Variants in HERC1 observed in about 807,000 individuals in gnomAD.
HERC1 encodes probable E3 ubiquitin-protein ligase HERC1.
Under a neutral mutation model 554.3 loss-of-function variants are expected in HERC1, and 160 were observed. The ratio of observed to expected loss-of-function variants is 0.29; its 90% confidence interval spans 0.25 to 0.33. HERC1 has a LOEUF of 0.33. Among genes scored for constraint, HERC1 ranks in the 10% least tolerant of loss-of-function variants. HERC1 has a pLI of 1.00. For synonymous variants in HERC1, 2,175 were observed against 2,131.7 expected (o/e 1.02, Z -0.56); for missense variants, 4,919 against 5,918.5 (o/e 0.83, Z 5.54).
intron 3 of HERC1, among the ~76,000 whole-genome samples, chr15:63,761,199 A>G (rs892549280): frequency 2.0e-5 from 3 of 152,210 alleles, no homozygotes; most frequent in Non-Finnish European, 4.4e-5. Context: ...CCCTCAAACT[A>G]TCAAAAAGAA....
chr15:63,643,560 A>G lies in HERC1; in HGVS notation c.11185-10T>C. ...ATTTCCTATATCCATCCTGAAATTC[A>G]TTATTTTTAACATGCATTAAAATAA... is the stretch of plus-strand genomic sequence containing the variant. On this transcript the variant is annotated splice_polypyrimidine_tract_variant and intron_variant, in intron 57 of 77. Coordinates refer to ENST00000443617, the MANE Select transcript of HERC1 (RefSeq NM_003922.4). 6.5e-7 allele frequency: 1 copy of G among 1,549,016 alleles called. No homozygotes were observed.
intron 12 of HERC1, among the ~76,000 whole-genome samples, chr15:63,740,596 C>T (rs999724639): frequency 2.0e-4 from 30 of 152,130 alleles, no homozygotes; most frequent in African/African-American, 7.2e-4. Flanking sequence ...TATTAGCCAG[C>T]CTTTTTGATT....
At chr15:63,733,746 G>A (rs1350260462) in intron 13 of HERC1, among the ~76,000 whole-genome samples, 1 of 152,180 alleles carries the variant, frequency 6.6e-6, no homozygotes, top group Non-Finnish European at 1.5e-5. Flanking sequence ...CAGCTACTCA[G>A]AAGGCTGAGG....
chr15:63,712,351 G>A (rs2073341982), intron 24 of HERC1, among the ~76,000 whole-genome samples: 1 of 152,240 alleles, frequency 6.6e-6, no homozygotes, highest in Non-Finnish European at 1.5e-5. Context: ...ACTGGATTGG[G>A]AAGGGGTGGA....
intron 67 of HERC1, 149 bp from the exon 68 acceptor site, chr15:63,632,960 T>C (rs2152809530): frequency 1.6e-6 from 1 of 626,932 alleles, no homozygotes; most frequent in East Asian, 2.7e-5. Context: ...TGAAATGTTA[T>C]TTTCTCCTAC....
At position 63,680,207 on chromosome 15, in the gene HERC1, T is replaced by G. The variant is rs1449493121; in HGVS notation, c.6466-47A>C. On this transcript the variant is annotated intron_variant, in intron 35 of 77. Coordinates refer to ENST00000443617, the MANE Select transcript of HERC1 (RefSeq NM_003922.4). The surrounding 1 kb of genome is among the most constrained non-coding windows in gnomAD (Gnocchi z 5.8). ...GAAAAGAAAAAGGAAATAGAAATTTTTTTAATTCACAATATCTAACCACAT... is the reference window on the plus strand; with the variant it reads ...GAAAAGAAAAAGGAAATAGAAATTTGTTTAATTCACAATATCTAACCACAT... 2.8e-6 allele frequency: 4 copies of G among 1,449,428 alleles called. No individual in the cohort carries two copies. The South Asian group carries it at 3.5e-5, about 13-fold the overall frequency. 89.8% of individuals were successfully genotyped at this position (1,449,428 alleles called of 1,614,324 possible). A position where few individuals can be genotyped will look rare whatever the true frequency, so the allele number is the denominator to read the frequency against.
chr15:63,634,040 C>A, intron 66 of HERC1, 70 bp from the exon 67 acceptor site: 1 of 1,574,054 alleles, frequency 6.4e-7, no homozygotes, highest in South Asian at 1.1e-5. Context: ...TTCTGGGACC[C>A]TTTTTCTCTA....
rs2077931382 is a variant in HERC1 at position 63,826,802 on chromosome 15, AAAAAAAAAAAAAATATATATATAT to A, written c.-27+7001_-27+7024del. 7.0e-5 allele frequency among the ~76,000 whole-genome samples: 4 copies of A among 57,116 alleles called. No homozygotes were observed. In the South Asian group the frequency reaches 1.4e-3, roughly 20 times the overall value. 37.5% of individuals were successfully genotyped at this position (57,116 alleles called of 152,430 possible). On this transcript the variant is annotated intron_variant, in intron 1 of 77. Transcript: ENST00000443617. ...TCTCTGGTAAAAAAAAAAAAAAAAA[AAAAAAAAAAAAAATATATATATAT>A]ATATATATATATATATAAAGTATGA...
At chr15:63,817,560 C>T (rs2077533552) in intron 1 of HERC1, among the ~76,000 whole-genome samples, 2 of 152,068 alleles carry the variant, frequency 1.3e-5, no homozygotes. Flanking sequence ...ACTAAAAATA[C>T]AAAAATTAGC....
At chr15:63,744,110 CTGTGTGTGTGTG>C (rs142936354) in intron 12 of HERC1, among the ~76,000 whole-genome samples, 40 of 93,422 alleles carry the variant, frequency 4.3e-4, no homozygotes, top group African/African-American at 1.5e-3. Context: ...CCCAAACAGA[CTGTGTGTGTGTG>C]TGTGTGTGTG....
chr15:63,824,021 G>A (rs901988129), intron 1 of HERC1, among the ~76,000 whole-genome samples: 1 of 152,046 alleles, frequency 6.6e-6, no homozygotes, highest in African/African-American at 2.4e-5. Context: ...CTCCAAATAG[G>A]ACATAAAAAT....
intron 24 of HERC1, among the ~76,000 whole-genome samples, chr15:63,711,604 C>T (rs1311731894): frequency 1.3e-5 from 2 of 152,112 alleles, no homozygotes; most frequent in Non-Finnish European, 2.9e-5. Flanking sequence ...CTTTATGTAG[C>T]ACTTTATACT....
In HERC1 at chr15:63,756,746, A is replaced by T. The variant is rs1276685715; in HGVS notation, c.1224T>A (p.Ile408=). 1.3e-6 allele frequency: 2 copies of T among 1,564,748 alleles called. No homozygotes were observed. Among genetic ancestry groups the T allele is most frequent in the Non-Finnish European group, 1.7e-6 (2 of 1,153,446 alleles). Residue 408 remains isoleucine, a splice_region_variant and synonymous_variant, in exon 5 of 78, where the codon ATT becomes ATA. Transcript: ENST00000443617. The surrounding 1 kb of genome is among the most constrained non-coding windows in gnomAD (Gnocchi z 5.0). ...LAPSFSDAQT[I]EAGQYCTFVI... is the part of the protein sequence containing the mutation. ...CAAAAGTGCAGTACTGTCCAGCTTC[A>T]ATCTATAAACAAAGAATCATAAATA...
In HERC1 at chr15:63,715,869, G is replaced by A. The variant is rs139951886; in HGVS notation, c.4150+433C>T. ...CGAAACAGCAGTGTAGTCAGTGGGT[G>A]AAATTTATAATTTTAGAAGTTCCAC... is the stretch of plus-strand genomic sequence containing the variant. On this transcript the variant is annotated intron_variant, in intron 22 of 77. Transcript: ENST00000443617. Among the ~76,000 whole-genome samples, 1,293 of 152,324 alleles carry A rather than the reference G, an allele frequency of 8.5e-3. 14 individuals are homozygous for A. Among genetic ancestry groups the A allele is most frequent in the African/African-American group, 0.028 (1,152 of 41,566 alleles).
At chr15:63,652,605 G>C in intron 51 of HERC1, 64 bp from the exon 52 acceptor site, 7 of 1,320,316 alleles carry the variant, frequency 5.3e-6, no homozygotes, top group Non-Finnish European at 7.3e-6. Flanking sequence ...ATTTGAAAAA[G>C]TTGTATCCAA....
At chr15:63,702,828 G>C (rs919423727) in intron 25 of HERC1, among the ~76,000 whole-genome samples, 1 of 152,118 alleles carries the variant, frequency 6.6e-6, no homozygotes, top group African/African-American at 2.4e-5. Context: ...TTAGCTGGCC[G>C]GGCATGGTGG....
intron 12 of HERC1, among the ~76,000 whole-genome samples, chr15:63,741,005 T>C (rs866721460): frequency 2.0e-5 from 3 of 152,234 alleles, no homozygotes; most frequent in Non-Finnish European, 4.4e-5. Context: ...TCCAAGGTGA[T>C]AAAGATTTAC....
chr15:63,833,753 G>GCGCACACACA (rs1340096449), intron 1 of HERC1, 74 bp downstream of exon 1: 4 of 46,456 alleles, frequency 8.6e-5, no homozygotes, highest in East Asian at 2.3e-4. Flanking sequence ...ACGCGCGCGC[G>GCGCACACACA]CACACACACA....
At chr15:63,818,903 T>A (rs1404552840) in intron 1 of HERC1, among the ~76,000 whole-genome samples, 1 of 152,340 alleles carries the variant, frequency 6.6e-6, no homozygotes, top group South Asian at 2.1e-4. Flanking sequence ...AGGTTTTAAT[T>A]AAAATATTGG....
Sources: gnomAD v4.1 joint callset for allele counts (sites outside exome capture counted in the v4.1 genomes callset) on GRCh38, gnomAD v4.1.1 for gene constraint, Gnocchi (gnomAD v3.1) non-coding constraint, MANE v1.5 for transcripts, NCBI Gene and HGNC (gene_info 2026-07-23, HGNC 2026-07-21) for gene names.